DOCK3: variants seen among roughly 807,000 people sequenced by gnomAD.
DOCK3 encodes the protein dedicator of cytokinesis 3.
DOCK3 carries 60 observed loss-of-function variants against 265.6 expected under a neutral mutation model. The observed-to-expected ratio is 0.23, with a 90% confidence interval of 0.18 to 0.28. The LOEUF (loss-of-function observed/expected upper bound fraction) is 0.28, where lower values mean the gene tolerates loss of function less well. DOCK3 is among the 10% of genes least tolerant of loss of function. The pLI, the probability that DOCK3 is intolerant of heterozygous loss-of-function variation, is 1.00. For synonymous variants in DOCK3, 881 were observed against 938.0 expected (o/e 0.94, Z 1.11); for missense variants, 1,981 against 2,594.3 (o/e 0.76, Z 5.14).
intron 5 of DOCK3, among the ~76,000 whole-genome samples, chr3:50,991,267 A>G (rs1022882198): frequency 3.9e-5 from 6 of 152,340 alleles, no homozygotes; most frequent in East Asian, 1.9e-4. Flanking sequence ...TTGAATGTAA[A>G]CAGTCTAAAT....
intron 5 of DOCK3, among the ~76,000 whole-genome samples, chr3:50,937,276 TA>T (rs60209788): frequency 0.028 from 3,152 of 110,674 alleles, 137 homozygotes; most frequent in African/African-American, 0.1. Context: ...AAACTCCATC[TA>T]AAAAAAAAAA....
At chr3:51,050,886 A>G (rs751824184) in intron 5 of DOCK3, among the ~76,000 whole-genome samples, 3 of 152,224 alleles carry the variant, frequency 2.0e-5, no homozygotes, top group Non-Finnish European at 2.9e-5. Context: ...ACCATCACGT[A>G]TAGCATTATA....
At chr3:50,971,998 A>G (rs1306816276) in intron 5 of DOCK3, among the ~76,000 whole-genome samples, 1 of 152,254 alleles carries the variant, frequency 6.6e-6, no homozygotes, top group Admixed American at 6.5e-5. Flanking sequence ...GCTCTTGTCC[A>G]GTGCTCGGAA....
intron 38 of DOCK3, among the ~76,000 whole-genome samples, chr3:51,345,764 G>A (rs537558495): frequency 2.0e-5 from 3 of 152,326 alleles, no homozygotes; most frequent in Middle Eastern, 6.8e-3. Flanking sequence ...ATAGAAAAAT[G>A]TACTCTTTTG....
At chr3:51,321,620 A>T (rs188708289) in intron 32 of DOCK3, among the ~76,000 whole-genome samples, 4 of 152,312 alleles carry the variant, frequency 2.6e-5, no homozygotes. Context: ...TAACCAGTTT[A>T]GAGAAGAACA....
chr3:50,787,215 T>TA lies in DOCK3; in HGVS notation c.121+8457_121+8458insA, dbSNP rs2042230020. On this transcript the variant is annotated intron_variant, in intron 2 of 52. Transcript: ENST00000266037. ...TTTATCACAAATCTGCATGTGCCTATGAGTAATATTCATTTGCTTCTCCAG... is the reference window on the plus strand; with the variant it reads ...TTTATCACAAATCTGCATGTGCCTATAGAGTAATATTCATTTGCTTCTCCAG... 8.4e-6 allele frequency: 5 copies of TA among 595,998 alleles called. No homozygotes were observed. In the Admixed American group the frequency reaches 1.2e-4, roughly 15 times the overall value. The allele number at this position is 595,998 out of a possible 1,614,324, so 36.9% of individuals were successfully genotyped here.
At chr3:50,708,965 GC>G (rs1233727129) in intron 1 of DOCK3, among the ~76,000 whole-genome samples, 1 of 152,168 alleles carries the variant, frequency 6.6e-6, no homozygotes, top group East Asian at 1.9e-4. Context: ...CCATCTTGAA[GC>G]CCACCATCAT....
Position 51,007,402 on chromosome 3 carries a change from G to T in DOCK3, c.316-57046G>T, listed in dbSNP as rs554534333. 4.7e-4 allele frequency among the ~76,000 whole-genome samples: 72 copies of T among 152,244 alleles called. No homozygotes were observed. The East Asian group carries it at 0.012, about 26-fold the overall frequency. On this transcript the variant is annotated intron_variant, in intron 5 of 52. Transcript: ENST00000266037. Reference sequence around the variant, plus strand: ...ATGATGAGCATTTTTTCATGTGTCTGTTGGCTGCATAAATGTCTTCTTTTG... The same window carrying T: ...ATGATGAGCATTTTTTCATGTGTCTTTTGGCTGCATAAATGTCTTCTTTTG...
intron 9 of DOCK3, among the ~76,000 whole-genome samples, chr3:51,140,584 C>G (rs1208505848): frequency 1.3e-5 from 2 of 151,916 alleles, no homozygotes; most frequent in African/African-American, 4.8e-5. Context: ...TTTGTGTGAC[C>G]ATATGTTTTT....
chr3:50,889,066 G>GGTGTGTGTGT lies in DOCK3; in HGVS notation c.163-923_163-914dup, dbSNP rs36180907. ...GAGTATAAAATATATTTAAGCCATGGGTGTGTGTGTGTGTGTGTGTGTGTG... is the reference window on the plus strand; with the variant it reads ...GAGTATAAAATATATTTAAGCCATGGGTGTGTGTGTGTGTGTGTGTGTGTGTGTGTGTGTG... On this transcript the variant is annotated intron_variant, in intron 3 of 52. Coordinates refer to ENST00000266037, the MANE Select transcript of DOCK3 (RefSeq NM_004947.5). 3.3e-3 allele frequency among the ~76,000 whole-genome samples: 437 copies of GGTGTGTGTGT among 134,258 alleles called. 2 individuals are homozygous for GGTGTGTGTGT. Among genetic ancestry groups the GGTGTGTGTGT allele is most frequent in the Middle Eastern group, 0.018 (5 of 272 alleles). 88.1% of individuals were successfully genotyped at this position (134,258 alleles called of 152,430 possible).
chr3:51,107,681 T>C (rs1576101917), intron 9 of DOCK3, among the ~76,000 whole-genome samples: 1 of 152,122 alleles, frequency 6.6e-6, no homozygotes, highest in Non-Finnish European at 1.5e-5. Context: ...CCGATAAATA[T>C]AGGATTATCA....
chr3:51,112,036 A>G (rs1291305375), intron 9 of DOCK3, among the ~76,000 whole-genome samples: 2 of 152,206 alleles, frequency 1.3e-5, no homozygotes, highest in African/African-American at 4.8e-5. Context: ...GCTACTATTT[A>G]AAAGTAAAAA....
chr3:50,833,518 C>G (rs1576586239), intron 2 of DOCK3, among the ~76,000 whole-genome samples: 1 of 152,256 alleles, frequency 6.6e-6, no homozygotes, highest in African/African-American at 2.4e-5. Flanking sequence ...CCAAGCCCAG[C>G]CATGGGTTTG....
intron 5 of DOCK3, among the ~76,000 whole-genome samples, chr3:51,028,501 C>T: frequency 6.6e-6 from 1 of 151,888 alleles, no homozygotes; most frequent in East Asian, 1.9e-4. Context: ...TGAATTATAC[C>T]CTCAAATACG....
Position 50,948,042 on chromosome 3 carries a change from T to C in DOCK3, c.315+13965T>C, listed in dbSNP as rs1287763563. 1.1e-3 allele frequency among the ~76,000 whole-genome samples: 161 copies of C among 142,964 alleles called. 4 individuals are homozygous for C. Among genetic ancestry groups the C allele is most frequent in the African/African-American group, 3.3e-3 (130 of 38,948 alleles). 93.8% of individuals were successfully genotyped at this position (142,964 alleles called of 152,430 possible). ...AGCTAATTATTATTATTATTATTATTATTATTATTATTATTATTATTATTA... is the reference window on the plus strand; with the variant it reads ...AGCTAATTATTATTATTATTATTATCATTATTATTATTATTATTATTATTA... On this transcript the variant is annotated intron_variant, in intron 5 of 52. Coordinates refer to ENST00000266037, the MANE Select transcript of DOCK3 (RefSeq NM_004947.5).
chr3:50,800,345 T>C (rs1353341693), intron 2 of DOCK3, among the ~76,000 whole-genome samples: 1 of 152,184 alleles, frequency 6.6e-6, no homozygotes, highest in East Asian at 1.9e-4. Context: ...GAAAGACCTT[T>C]TATTACTGAG....
At chr3:51,085,033 C>T (rs562057280) in intron 7 of DOCK3, among the ~76,000 whole-genome samples, 135 of 152,120 alleles carry the variant, frequency 8.9e-4, no homozygotes, top group African/African-American at 3.2e-3. Context: ...AATAGCTATA[C>T]TTATATCAGA....
intron 50 of DOCK3, among the ~76,000 whole-genome samples, chr3:51,375,475 T>A (rs1404636923): frequency 6.6e-6 from 1 of 152,140 alleles, no homozygotes; most frequent in African/African-American, 2.4e-5. Context: ...ATGTTCTGTT[T>A]CTTGGGCCCT....
chr3:51,207,765 C>T (rs1198828412), intron 12 of DOCK3, among the ~76,000 whole-genome samples: 1 of 152,156 alleles, frequency 6.6e-6, no homozygotes, highest in Non-Finnish European at 1.5e-5. Flanking sequence ...CTGGACACAT[C>T]TGAGTAATCC....
Sources: gnomAD v4.1 joint callset for allele counts (sites outside exome capture counted in the v4.1 genomes callset) on GRCh38, gnomAD v4.1.1 for gene constraint, MANE v1.5 for transcripts, NCBI Gene and HGNC (gene_info 2026-07-23, HGNC 2026-07-21) for gene names.